SHANK2: variants seen among roughly 807,000 people sequenced by gnomAD.
SHANK2 encodes SH3 and multiple ankyrin repeat domains protein 2.
SHANK2 carries 43 observed loss-of-function variants against 133.7 expected under a neutral mutation model. That is an observed-to-expected ratio of 0.32 (90% CI 0.25 to 0.41). The LOEUF (loss-of-function observed/expected upper bound fraction) is 0.41. SHANK2 is among the 10% of genes least tolerant of loss of function. The pLI is 1.00. For missense variants in SHANK2, 1,994 were observed against 2,235.8 expected, an observed-to-expected ratio of 0.89 and a Z score of 2.18; for synonymous variants, 1,017 against 952.8, an observed-to-expected ratio of 1.07 and a Z score of -1.24.
intron 17 of SHANK2, among the ~76,000 whole-genome samples, chr11:70,600,017 T>C (rs1312591037): frequency 6.6e-6 from 1 of 151,770 alleles, no homozygotes; most frequent in Non-Finnish European, 1.5e-5. Context: ...TGTGAAGGGG[T>C]TAATTTTTCC....
intron 13 of SHANK2, among the ~76,000 whole-genome samples, chr11:70,799,512 T>C (rs1947996442): frequency 6.6e-6 from 1 of 152,210 alleles, no homozygotes; most frequent in South Asian, 2.1e-4. Flanking sequence ...TGGAAGAAAC[T>C]GCACTAAAAA....
intron 17 of SHANK2, among the ~76,000 whole-genome samples, chr11:70,549,700 T>C (rs2059740604): frequency 6.6e-6 from 1 of 152,136 alleles, no homozygotes; most frequent in Non-Finnish European, 1.5e-5. Context: ...GACGAATGTA[T>C]TAGGACCTCG....
At chr11:70,501,629 G>A (rs1289465583) in intron 20 of SHANK2, among the ~76,000 whole-genome samples, 1 of 152,248 alleles carries the variant, frequency 6.6e-6, no homozygotes, top group Non-Finnish European at 1.5e-5. Context: ...CCACGTGGCT[G>A]CTAGTCGCCC....
chr11:71,210,997 C>G (rs1335696749), intron 2 of SHANK2, among the ~76,000 whole-genome samples: 1 of 152,130 alleles, frequency 6.6e-6, no homozygotes. Context: ...GCACCGCTGA[C>G]AGGATCCTGC....
intron 6 of SHANK2, among the ~76,000 whole-genome samples, chr11:71,100,046 C>CAA (rs55637618): frequency 4.0e-5 from 4 of 100,768 alleles, no homozygotes; most frequent in East Asian, 8.7e-4. Context: ...AAGACCATGT[C>CAA]AAAAAAAAAA....
intron 15 of SHANK2, among the ~76,000 whole-genome samples, chr11:70,675,239 A>G (rs1222254212): frequency 6.6e-6 from 1 of 152,252 alleles, no homozygotes; most frequent in Non-Finnish European, 1.5e-5. Context: ...TTAATGAGTA[A>G]TAATTCATAA....
At chr11:70,582,486 C>T (rs1398928384) in intron 17 of SHANK2, among the ~76,000 whole-genome samples, 3 of 152,248 alleles carry the variant, frequency 2.0e-5, no homozygotes, top group Admixed American at 1.3e-4. Context: ...CTCTGAGCTC[C>T]CTATAGAGGC....
intron 10 of SHANK2, among the ~76,000 whole-genome samples, chr11:70,932,666 G>C (rs1179499525): frequency 2.6e-5 from 4 of 152,190 alleles, no homozygotes; most frequent in Non-Finnish European, 5.9e-5. Context: ...AAGTGGCCAG[G>C]CCTCAGAGAC....
chr11:70,698,243 C>G (rs1347765798), intron 15 of SHANK2: 1 of 203,980 alleles, frequency 4.9e-6, no homozygotes, highest in Non-Finnish European at 1.0e-5. Flanking sequence ...CTGCCCCCTT[C>G]CTTCACAGCC....
rs529220492 is a variant in SHANK2, at chr11:70,728,394, A to T, written c.1778-29631T>A. Among the ~76,000 whole-genome samples, 30 of 152,332 alleles carry T rather than the reference A, an allele frequency of 2.0e-4. 1 individual carries two copies. The highest frequency in any genetic ancestry group is 1.9e-3 in the Admixed American group (29 of 15,304). ...AGTGGTCACACTCGGTTTACTTGGTAGAAGGCAGCCCCCTTACTGCCAATA... is the reference window on the plus strand; with the variant it reads ...AGTGGTCACACTCGGTTTACTTGGTTGAAGGCAGCCCCCTTACTGCCAATA... On this transcript the variant is annotated intron_variant, in intron 14 of 25. Transcript: ENST00000601538.
intron 17 of SHANK2, among the ~76,000 whole-genome samples, chr11:70,621,639 G>T (rs532225231): frequency 3.9e-5 from 6 of 152,330 alleles, no homozygotes; most frequent in Admixed American, 3.9e-4. Context: ...GATTTCATCA[G>T]ATGGGAGGTC....
At chr11:71,210,247 TATA>T (rs1565516785) in intron 2 of SHANK2, among the ~76,000 whole-genome samples, 1,078 of 93,392 alleles carry the variant, frequency 0.012, 13 homozygotes, top group Non-Finnish European at 0.018. Flanking sequence ...TATATATATA[TATA>T]TATTTATTTA....
intron 8 of SHANK2, among the ~76,000 whole-genome samples, chr11:71,087,662 C>T (rs1419590979): frequency 6.6e-6 from 1 of 152,084 alleles, no homozygotes; most frequent in African/African-American, 2.4e-5. Flanking sequence ...TAGTTTTGCT[C>T]TTATTGTCCA....
intron 17 of SHANK2, among the ~76,000 whole-genome samples, chr11:70,657,453 A>T (rs1347453972): frequency 6.6e-6 from 1 of 152,206 alleles, no homozygotes; most frequent in Non-Finnish European, 1.5e-5. Flanking sequence ...GTCGCTAGGA[A>T]CACAACTCAA....
chr11:70,841,853 C>T (rs75660795), intron 11 of SHANK2, among the ~76,000 whole-genome samples: 1 of 152,332 alleles, frequency 6.6e-6, no homozygotes, highest in African/African-American at 2.4e-5. Context: ...CTGTGCGTGT[C>T]TGCTCGTCAG....
intron 8 of SHANK2, among the ~76,000 whole-genome samples, chr11:71,090,388 C>A (rs1951489582): frequency 4.3e-5 from 1 of 23,526 alleles, no homozygotes. Flanking sequence ...GTGTGTGTCC[C>A]CTGCTGCTTC....
rs2058611296 is a variant in SHANK2 at position 70,472,712 on chromosome 11, A to T, written c.*157T>A. 1 of 760,396 alleles carries T rather than the reference A, an allele frequency of 1.3e-6. No individual in the cohort carries two copies. Among genetic ancestry groups the T allele is most frequent in the Non-Finnish European group, 2.3e-6 (1 of 440,262 alleles). The allele number at this position is 760,396 out of a possible 1,614,324, so 47.1% of individuals were successfully genotyped here. ...GAGCCAGGGGTCTGAAGACCCAGCC[A>T]TGTTGTGGACACAACTCAGTATTTC... On this transcript the variant is annotated 3_prime_UTR_variant, in exon 26 of 26. Coordinates refer to ENST00000601538, the MANE Select transcript of SHANK2 (RefSeq NM_012309.5). This position sits in a 1 kb window ranked among gnomAD's most constrained non-coding sequence, Gnocchi z 4.4.
chr11:70,850,093 C>T (rs1949061242), intron 11 of SHANK2, among the ~76,000 whole-genome samples: 3 of 152,274 alleles, frequency 2.0e-5, no homozygotes, highest in Middle Eastern at 3.4e-3. Flanking sequence ...TAGACCAGTA[C>T]AGGATTTATC....
chr11:71,240,255 T>C (rs1954872110), intron 1 of SHANK2, among the ~76,000 whole-genome samples: 2 of 152,004 alleles, frequency 1.3e-5, no homozygotes, highest in Admixed American at 6.6e-5. Context: ...CTCCAAGAGG[T>C]TTGGACCTGG....
Sources: gnomAD v4.1 joint callset for allele counts (sites outside exome capture counted in the v4.1 genomes callset) on GRCh38, gnomAD v4.1.1 for gene constraint, Gnocchi (gnomAD v3.1) non-coding constraint, MANE v1.5 for transcripts, NCBI Gene and HGNC (gene_info 2026-07-23, HGNC 2026-07-21) for gene names.